The following FREM2 variants were observed in gnomAD, a reference collection of about 807,000 sequenced individuals.
FREM2 encodes FRAS1 related extracellular matrix 2, also known as FRAS1-related extracellular matrix protein 2.
Under a neutral mutation model 219.9 loss-of-function variants are expected in FREM2, and 119 were observed. The observed-to-expected ratio is 0.54, with a 90% CI of 0.47 to 0.63. The LOEUF (loss-of-function observed/expected upper bound fraction) is 0.63, where lower values mean the gene tolerates loss of function less well. FREM2 is among the 30% of genes least tolerant of loss of function. The pLI, the probability that FREM2 is intolerant of heterozygous loss-of-function variation, is 0.00. For synonymous variants in FREM2, 1,562 were observed against 1,522.8 expected (o/e 1.03, Z -0.60); for missense variants, 4,030 against 3,993.6 (o/e 1.01, Z -0.25).
chr13:38,775,078 T>C (rs1302348767), intron 4 of FREM2, among the ~76,000 whole-genome samples: 1 of 152,082 alleles, frequency 6.6e-6, no homozygotes, highest in Non-Finnish European at 1.5e-5. Context: ...ACATTAAAGG[T>C]TAAAAACCTA....
chr13:38,782,020 G>A lies in FREM2; in HGVS notation c.5642-1050G>A, dbSNP rs145958866. On this transcript the variant is annotated intron_variant, in intron 4 of 23. Transcript: ENST00000280481. The stretch of plus-strand genomic sequence containing the variant: ...TTCCTTCCTGTATTCCCCATTGGCC[G>A]ACCCAACCAGGAGCCAGAATGTAAG... Among the ~76,000 whole-genome samples the A allele has an allele frequency of 9.6e-4, 146 of 152,248 alleles. 2 individuals are homozygous for A. Among genetic ancestry groups the A allele is most frequent in the Admixed American group, 3.7e-3 (57 of 15,288 alleles).
chr13:38,699,424 TCAAAATATTAAGTG>T (rs1452214377), intron 2 of FREM2, among the ~76,000 whole-genome samples: 1 of 152,166 alleles, frequency 6.6e-6, no homozygotes, highest in Non-Finnish European at 1.5e-5. Flanking sequence ...GTATCATATT[TCAAAATATTAAGTG>T]CAAAATATTA....
At chr13:38,734,275 A>G (rs1282769336) in intron 2 of FREM2, among the ~76,000 whole-genome samples, 1 of 152,210 alleles carries the variant, frequency 6.6e-6, no homozygotes, top group Non-Finnish European at 1.5e-5. Flanking sequence ...TCACATGTTT[A>G]CTAAGATTTA....
chr13:38,811,104 T>C (rs1293622580), intron 6 of FREM2, among the ~76,000 whole-genome samples: 1 of 152,060 alleles, frequency 6.6e-6, no homozygotes, highest in Non-Finnish European at 1.5e-5. Flanking sequence ...TTTATTGGCA[T>C]ATGGTTACTC....
rs372012788 is a variant in FREM2, at chr13:38,692,352, C to G, written c.5008C>G (p.Leu1670Val). ...TAAGGGGGCCTCTACACTTCGCACTCTAGCCACTGGCCACTTGGGGTTCAT... is the reference window on the plus strand; with the variant it reads ...TAAGGGGGCCTCTACACTTCGCACTGTAGCCACTGGCCACTTGGGGTTCAT... ...VNKGASTLRT[L>V]ATGHLGFMIT... The change falls in exon 1 of 24, where the codon CTA becomes GTA. Residue 1670 changes from leucine to valine, a missense_variant. Leu to Val is a conservative substitution (Grantham distance 32). Transcript: ENST00000280481. 23 of 1,603,926 alleles carry G rather than the reference C, an allele frequency of 1.4e-5. No individual in the cohort carries two copies. The highest frequency in any genetic ancestry group is 9.4e-5 in the African/African-American group (7 of 74,512).
At chr13:38,878,759 A>C in intron 22 of FREM2, 72 bp from the exon 23 acceptor site, 4 of 1,413,832 alleles carry the variant, frequency 2.8e-6, no homozygotes, top group Non-Finnish European at 4.0e-6. Flanking sequence ...CAAAACAAAT[A>C]GAGAAACATG....
At chr13:38,856,445 A>C (rs771405095) in intron 12 of FREM2, among the ~76,000 whole-genome samples, 189 bp downstream of exon 12, 1 of 152,138 alleles carries the variant, frequency 6.6e-6, no homozygotes, top group Non-Finnish European at 1.5e-5. Flanking sequence ...AGAAATGTGC[A>C]TCTTTTTCTT....
In FREM2 at chr13:38,692,100, A is replaced by G; in HGVS notation, c.4756A>G (p.Thr1586Ala). ...TCATGGCCATCTCCTATTCAACAAT[A>G]CCAGACCTGTCATGGTTTTTACCAA... The part of the protein sequence containing the change: ...PIHGHLLFNN[T>A]RPVMVFTKQD... Residue 1586 changes from threonine to alanine, a missense_variant, in exon 1 of 24, where the codon ACC becomes GCC. Thr to Ala is a moderately conservative substitution (Grantham distance 58, BLOSUM62 0). Transcript: ENST00000280481. 1 of 1,614,190 alleles carries G rather than the reference A, an allele frequency of 6.2e-7. No individual in the cohort carries two copies. Among genetic ancestry groups the G allele is most frequent in the Non-Finnish European group, 8.5e-7 (1 of 1,180,036 alleles).
chr13:38,878,543 C>A (rs568540808), intron 22 of FREM2, among the ~76,000 whole-genome samples: 1 of 151,064 alleles, frequency 6.6e-6, no homozygotes, highest in Non-Finnish European at 1.5e-5. Context: ...AGCCGAGCAT[C>A]GTGGCACATG....
intron 1 of FREM2, among the ~76,000 whole-genome samples, chr13:38,695,302 TATTA>T (rs1453347110): frequency 1.3e-5 from 2 of 152,132 alleles, no homozygotes; most frequent in African/African-American, 2.4e-5. Flanking sequence ...AACCATGAAT[TATTA>T]ATTAATTATA....
Position 38,692,387 on chromosome 13 carries a change from C to A in FREM2, c.5043C>A (p.Ser1681Arg), listed in dbSNP as rs780610958. ...ATGHLGFMIT[S>R]KILKVEDRDS... ...GCCACTTGGGGTTCATGATCACAAG[C>A]AAAATATTGAAAGTGGAGGACAGAG... The change falls in exon 1 of 24, where the codon AGC (serine) becomes AGA (arginine). Residue 1681 changes from serine to arginine, a missense_variant. Coordinates refer to ENST00000280481, the MANE Select transcript of FREM2 (RefSeq NM_207361.6). 1.2e-5 allele frequency: 19 copies of A among 1,609,164 alleles called. No individual in the cohort carries two copies. The South Asian group carries it at 2.1e-4, about 18-fold the overall frequency.
chr13:38,846,217 T>TA lies in FREM2; in HGVS notation c.6020-341dup, dbSNP rs138940069. Among the ~76,000 whole-genome samples, 532 of 138,062 alleles carry TA rather than the reference T, an allele frequency of 3.9e-3. 1 individual carries two copies. The highest frequency in any genetic ancestry group is 0.029 in the East Asian group (138 of 4,806). The allele number at this position is 138,062 out of a possible 152,430, so 90.6% of individuals were successfully genotyped here. ...AATAAAATGAGTGGCTTGGCCAAAG[T>TA]AAAAAAAAAAAAAAAGATACGTGTT... On this transcript the variant is annotated intron_variant, in intron 6 of 23. Transcript: ENST00000280481.
rs1001120062 is a variant in FREM2, at chr13:38,690,772, A to G, written c.3428A>G (p.Gln1143Arg). The G allele has an allele frequency of 6.2e-7, 1 of 1,614,212 alleles. No individual in the cohort carries two copies. Among genetic ancestry groups the G allele is most frequent in the African/African-American group, 1.3e-5 (1 of 75,074 alleles). The change falls in exon 1 of 24, where the codon CAG becomes CGG. Residue 1143 changes from glutamine (Q) to arginine (R), a missense_variant. Gln to Arg is a conservative substitution (Grantham distance 43). This residue lies in a region of FREM2 where 3,102 missense variants were observed against 2,950.7 expected (regional missense o/e 1.05). Transcript: ENST00000280481. Reference sequence around the variant, plus strand: ...GCTTTCAACTTGAAAGATCTCAGGCAGGGCCACATAAACTATGTCCAGAGT... The same window carrying G: ...GCTTTCAACTTGAAAGATCTCAGGCGGGGCCACATAAACTATGTCCAGAGT... ...ISAFNLKDLR[Q>R]GHINYVQSVH...
At chr13:38,716,953 T>C (rs1197043482) in intron 2 of FREM2, among the ~76,000 whole-genome samples, 2 of 152,212 alleles carry the variant, frequency 1.3e-5, no homozygotes, top group African/African-American at 4.8e-5. Context: ...ATGGAAAGCT[T>C]ATACTATAAA....
At chr13:38,725,269 C>G (rs575733465) in intron 2 of FREM2, among the ~76,000 whole-genome samples, 1 of 152,132 alleles carries the variant, frequency 6.6e-6, no homozygotes, top group African/African-American at 2.4e-5. Flanking sequence ...GAAAAAGTGG[C>G]CTCTCTGCCT....
At chr13:38,770,728 T>A (rs1324462897) in intron 4 of FREM2, among the ~76,000 whole-genome samples, 1 of 145,850 alleles carries the variant, frequency 6.9e-6, no homozygotes, top group Non-Finnish European at 1.5e-5. Context: ...CAGATTACAT[T>A]TTCTTGTCAA....
At chr13:38,831,333 G>T (rs2137888707) in intron 6 of FREM2, among the ~76,000 whole-genome samples, 1 of 152,214 alleles carries the variant, frequency 6.6e-6, no homozygotes, top group East Asian at 1.9e-4. Context: ...TTTTACACTT[G>T]TGATGACTCT....
Position 38,848,445 on chromosome 13 carries a change from T to C in FREM2, c.6170-16T>C. 6.3e-7 allele frequency: 1 copy of C among 1,588,840 alleles called. No individual in the cohort carries two copies. The highest frequency in any genetic ancestry group is 8.6e-7 in the Non-Finnish European group (1 of 1,157,054). On this transcript the variant is annotated splice_polypyrimidine_tract_variant and intron_variant, in intron 7 of 23. Coordinates refer to ENST00000280481, the MANE Select transcript of FREM2 (RefSeq NM_207361.6). ...TAATTAGTCCCCAACTGAATATTTT[T>C]TTGTTACTGTCATAGCTGGAACAGA...
At chr13:38,851,552 G>C in intron 10 of FREM2, 134 bp from the exon 11 acceptor site, 3 of 736,200 alleles carry the variant, frequency 4.1e-6, no homozygotes, top group Non-Finnish European at 4.7e-6. Flanking sequence ...CACTAATTTT[G>C]AGTGAGGGGA....
Sources: gnomAD v4.1 joint callset for allele counts (sites outside exome capture counted in the v4.1 genomes callset) on GRCh38, gnomAD v4.1.1 for gene constraint, gnomAD v4.1.1 regional missense constraint, MANE v1.5 for transcripts, NCBI Gene and HGNC (gene_info 2026-07-23, HGNC 2026-07-21) for gene names.